PPTC7: variants seen among roughly 807,000 people sequenced by gnomAD.
PPTC7 encodes protein phosphatase targeting COQ7, also known as protein phosphatase PTC7 homolog.
A neutral mutation model predicts 30.8 loss-of-function variants in PPTC7; 6 were observed. The observed-to-expected ratio is 0.19, with a 90% CI of 0.11 to 0.38. The LOEUF (loss-of-function observed/expected upper bound fraction) is 0.38, where lower values mean the gene tolerates loss of function less well. PPTC7 is among the 10% of genes least tolerant of loss of function. PPTC7 has a pLI of 1.00. For synonymous variants in PPTC7, 163 were observed against 168.1 expected, an observed-to-expected ratio of 0.97 and a Z score of 0.23; for missense variants, 218 against 404.8, an observed-to-expected ratio of 0.54 and a Z score of 3.96.
intron 1 of PPTC7, among the ~76,000 whole-genome samples, chr12:110,577,747 A>C (rs1385157404): frequency 6.6e-6 from 1 of 152,182 alleles, no homozygotes; most frequent in Admixed American, 6.5e-5. Context: ...CCACAGTTTC[A>C]TAATAAATAC....
intron 2 of PPTC7, among the ~76,000 whole-genome samples, chr12:110,547,570 C>T (rs369880330): frequency 1.1e-4 from 17 of 151,872 alleles, no homozygotes; most frequent in East Asian, 9.7e-4. Flanking sequence ...TCCTTAACAA[C>T]AACAAAAAAA....
chr12:110,568,972 A>G (rs2064509610), intron 1 of PPTC7, among the ~76,000 whole-genome samples: 1 of 151,588 alleles, frequency 6.6e-6, no homozygotes, highest in Non-Finnish European at 1.5e-5. Flanking sequence ...CTACAACTAC[A>G]CCTGTGTAGA....
In PPTC7 at chr12:110,567,184, C is replaced by T. The variant is rs989409139; in HGVS notation, c.224-15216G>A. 5.3e-5 allele frequency among the ~76,000 whole-genome samples: 8 copies of T among 152,318 alleles called. 1 individual carries two copies. Among genetic ancestry groups the T allele is most frequent in the Admixed American group, 5.2e-4 (8 of 15,298 alleles). ...CTCACACAGCTAACCGTTGTTTCAT[C>T]CCCACTGGCTGGCCTAGTACCTGGC... is the stretch of plus-strand genomic sequence containing the variant. On this transcript the variant is annotated intron_variant, in intron 1 of 5. Coordinates refer to ENST00000354300, the MANE Select transcript of PPTC7 (RefSeq NM_139283.2).
rs1434464316 is a variant in PPTC7 at position 110,536,945 on chromosome 12, T to C, written c.*92A>G. The C allele has an allele frequency of 3.2e-6, 3 of 928,324 alleles. No individual in the cohort carries two copies. Among genetic ancestry groups the C allele is most frequent in the South Asian group, 2.8e-5 (2 of 71,538 alleles). 57.5% of individuals were successfully genotyped at this position (928,324 alleles called of 1,614,324 possible). On this transcript the variant is annotated 3_prime_UTR_variant, in exon 6 of 6. Transcript: ENST00000354300. ...TTACATCACTGGCCATTGAGATCAG[T>C]GGCAAAGAAATGTGGTCCTGCCAGC...
rs183071867 is a variant in PPTC7, at chr12:110,552,065, G to A, written c.224-97C>T. On this transcript the variant is annotated intron_variant, in intron 1 of 5. Coordinates refer to ENST00000354300, the MANE Select transcript of PPTC7 (RefSeq NM_139283.2). Reference sequence around the variant, plus strand: ...CTCCTAACAGTTAATTTCACTACATGCTACTACATACATTCACTCCAAAAT... The same window carrying A: ...CTCCTAACAGTTAATTTCACTACATACTACTACATACATTCACTCCAAAAT... 3.9e-3 allele frequency: 3,573 copies of A among 927,470 alleles called. 13 individuals are homozygous for A. The highest frequency in any genetic ancestry group is 5.5e-3 in the Non-Finnish European group (3,333 of 610,580). 57.5% of individuals were successfully genotyped at this position (927,470 alleles called of 1,614,324 possible). A position where few individuals can be genotyped will look rare whatever the true frequency, so the allele number is the denominator to read the frequency against.
chr12:110,559,463 C>T (rs1042485653), intron 1 of PPTC7, among the ~76,000 whole-genome samples: 31 of 149,876 alleles, frequency 2.1e-4, no homozygotes, highest in African/African-American at 7.6e-4. Context: ...TGGTGGTTCA[C>T]GCCTGTAATC....
At chr12:110,556,898 A>C (rs562617682) in intron 1 of PPTC7, among the ~76,000 whole-genome samples, 1 of 152,330 alleles carries the variant, frequency 6.6e-6, no homozygotes, top group African/African-American at 2.4e-5. Flanking sequence ...CAGCGCCTCA[A>C]GAACAGTGCC....
chr12:110,537,301 TA>T (rs201757596), intron 5 of PPTC7, among the ~76,000 whole-genome samples: 31 of 147,606 alleles, frequency 2.1e-4, no homozygotes, highest in Non-Finnish European at 1.8e-4. Flanking sequence ...AACTGAAGCT[TA>T]AAAAAAAAAA....
chr12:110,558,085 G>C (rs998119452), intron 1 of PPTC7, among the ~76,000 whole-genome samples: 7 of 152,172 alleles, frequency 4.6e-5, no homozygotes, highest in Non-Finnish European at 1.0e-4. Flanking sequence ...TCTGGATTTG[G>C]GGAATTAGAA....
intron 1 of PPTC7, among the ~76,000 whole-genome samples, chr12:110,560,401 C>CA (rs377025532): frequency 0.08 from 10,997 of 136,952 alleles, 633 homozygotes; most frequent in African/African-American, 0.17. Context: ...GACCCTGTCT[C>CA]AAAAAATAAA....
chr12:110,573,632 T>C (rs906255456), intron 1 of PPTC7, among the ~76,000 whole-genome samples: 1 of 152,228 alleles, frequency 6.6e-6, no homozygotes, highest in Non-Finnish European at 1.5e-5. Context: ...GTGTTTTATA[T>C]GGTACTTTTC....
At chr12:110,564,851 CGTATAT>C (rs1198570081) in intron 1 of PPTC7, among the ~76,000 whole-genome samples, 1 of 130,564 alleles carries the variant, frequency 7.7e-6, no homozygotes, top group African/African-American at 3.2e-5. Flanking sequence ...TATATATACA[CGTATAT>C]GTATATGTGT....
intron 1 of PPTC7, among the ~76,000 whole-genome samples, chr12:110,569,561 G>A (rs1397466103): frequency 6.6e-6 from 1 of 152,086 alleles, no homozygotes; most frequent in Non-Finnish European, 1.5e-5. Context: ...TCGGATCCAA[G>A]ACTGTGGGAC....
At chr12:110,572,231 G>C (rs1341203404) in intron 1 of PPTC7, among the ~76,000 whole-genome samples, 2 of 152,136 alleles carry the variant, frequency 1.3e-5, no homozygotes, top group African/African-American at 4.8e-5. Flanking sequence ...GGATCACGAG[G>C]TCAGGAGTTC....
intron 1 of PPTC7, among the ~76,000 whole-genome samples, chr12:110,563,146 A>AG (rs1290375148): frequency 2.0e-3 from 294 of 148,554 alleles, no homozygotes; most frequent in Non-Finnish European, 3.2e-3. Context: ...AAAAAAAAAA[A>AG]AAGAAGAAGA....
chr12:110,548,238 T>C (rs781733844), intron 2 of PPTC7, among the ~76,000 whole-genome samples: 14 of 151,992 alleles, frequency 9.2e-5, no homozygotes, highest in Non-Finnish European at 1.9e-4. Flanking sequence ...AGAAAAAAAA[T>C]CTGAAAGCAT....
At chr12:110,546,727 T>A (rs1343662950) in intron 2 of PPTC7, 1 of 153,190 alleles carries the variant, frequency 6.5e-6, no homozygotes, top group Non-Finnish European at 1.5e-5. Context: ...GGCCACAGAA[T>A]CTTCCCTAGA....
intron 1 of PPTC7, among the ~76,000 whole-genome samples, chr12:110,579,690 G>C (rs1282412764): frequency 1.3e-5 from 2 of 152,206 alleles, no homozygotes; most frequent in Non-Finnish European, 2.9e-5. Flanking sequence ...TTGAGGTGCA[G>C]AACAAAGGGT....
intron 2 of PPTC7, among the ~76,000 whole-genome samples, chr12:110,549,566 C>T (rs1488147086): frequency 6.6e-6 from 1 of 152,016 alleles, no homozygotes; most frequent in Non-Finnish European, 1.5e-5. Flanking sequence ...AAGATTATTT[C>T]AATGTGCCTT....
Sources: allele counts gnomAD v4.1 joint callset (sites outside exome capture counted in the v4.1 genomes callset), GRCh38; gene constraint gnomAD v4.1.1; transcripts MANE v1.5; gene names NCBI Gene and HGNC (gene_info 2026-07-23, HGNC 2026-07-21).